The following C12orf56 variants were observed in gnomAD, a reference collection of about 807,000 sequenced individuals.
C12orf56 encodes chromosome 12 open reading frame 56, also known as uncharacterized protein C12orf56.
In C12orf56, 71 loss-of-function variants were observed where a neutral mutation model predicts 69.9. The ratio of observed to expected loss-of-function variants is 1.02; its 90% confidence interval spans 0.84 to 1.24. The LOEUF (loss-of-function observed/expected upper bound fraction) is 1.24, where lower values mean the gene tolerates loss of function less well. Among genes scored for constraint, C12orf56 ranks in the 50% most tolerant of loss-of-function variants. The pLI is 0.00. For missense variants in C12orf56, 732 were observed against 738.5 expected (o/e 0.99, Z 0.10); for synonymous variants, 276 against 274.1 (o/e 1.01, Z -0.07).
chr12:64,335,640 T>C (rs540809061), intron 2 of C12orf56, among the ~76,000 whole-genome samples: 26 of 152,282 alleles, frequency 1.7e-4, no homozygotes, highest in Non-Finnish European at 3.1e-4. Context: ...GAGATCAGCC[T>C]TGGCAATTCA....
At chr12:64,350,084 T>G (rs1385439561) in intron 2 of C12orf56, among the ~76,000 whole-genome samples, 1 of 123,560 alleles carries the variant, frequency 8.1e-6, no homozygotes, top group Admixed American at 9.3e-5. Flanking sequence ...AGAGCAAGAC[T>G]CAGTCTCAGA....
intron 4 of C12orf56, among the ~76,000 whole-genome samples, chr12:64,313,813 G>C (rs1307527399): frequency 6.6e-6 from 1 of 151,712 alleles, no homozygotes; most frequent in Non-Finnish European, 1.5e-5. Flanking sequence ...GGGAGGCCAA[G>C]GTGGGCGGAT....
chr12:64,342,854 G>T (rs977250016), intron 2 of C12orf56, among the ~76,000 whole-genome samples: 9 of 152,166 alleles, frequency 5.9e-5, no homozygotes, highest in African/African-American at 2.2e-4. Context: ...TCACCTATGG[G>T]GGCCTCCCAA....
At chr12:64,378,863 C>T (rs2039675454) in intron 1 of C12orf56, among the ~76,000 whole-genome samples, 1 of 151,994 alleles carries the variant, frequency 6.6e-6, no homozygotes, top group African/African-American at 2.4e-5. Context: ...CCAGTCTGGC[C>T]ACCATAGTGA....
At chr12:64,367,265 TAC>T (rs1221616674) in intron 1 of C12orf56, among the ~76,000 whole-genome samples, 1 of 139,674 alleles carries the variant, frequency 7.2e-6, no homozygotes, top group African/African-American at 2.6e-5. Flanking sequence ...ATATATAATA[TAC>T]AGTTTATATA....
chr12:64,299,297 G>C (rs1048403654), intron 6 of C12orf56, among the ~76,000 whole-genome samples: 1 of 152,116 alleles, frequency 6.6e-6, no homozygotes, highest in Non-Finnish European at 1.5e-5. Context: ...GAGACGGTGA[G>C]GTTTTCTAAA....
chr12:64,358,482 A>AATCATCATC (rs1555193400), intron 1 of C12orf56, among the ~76,000 whole-genome samples: 31 of 125,942 alleles, frequency 2.5e-4, no homozygotes, highest in African/African-American at 9.0e-4. Flanking sequence ...TAATAATAAT[A>AATCATCATC]ATCATCATCA....
chr12:64,338,291 T>C (rs1007492829), intron 2 of C12orf56: 3 of 511,258 alleles, frequency 5.9e-6, no homozygotes, highest in Non-Finnish European at 1.1e-5. Context: ...TATGTTACAA[T>C]CCCCATTATA....
At chr12:64,338,871 G>T in intron 2 of C12orf56, 1 of 675,904 alleles carries the variant, frequency 1.5e-6, no homozygotes, top group East Asian at 2.8e-5. Context: ...ATGGGCAGAG[G>T]AAACCCCTGT....
At chr12:64,289,280 A>G (rs1176979247) in intron 6 of C12orf56, among the ~76,000 whole-genome samples, 1 of 115,760 alleles carries the variant, frequency 8.6e-6, no homozygotes, top group African/African-American at 3.1e-5. Context: ...TAGATATACA[A>G]TCATGTCGTC....
intron 1 of C12orf56, among the ~76,000 whole-genome samples, chr12:64,357,681 G>T (rs565467287): frequency 5.2e-4 from 79 of 152,210 alleles, no homozygotes; most frequent in Middle Eastern, 3.4e-3. Context: ...TGGATCATTT[G>T]AGATCAGGAG....
chr12:64,338,318 G>A, intron 2 of C12orf56: 2 of 543,340 alleles, frequency 3.7e-6, no homozygotes, highest in Admixed American at 2.3e-5. Flanking sequence ...AACTCCACCA[G>A]CTATGTCCTC....
rs889424574 is a variant in C12orf56, at chr12:64,312,056, G to C, written c.968+623C>G. On this transcript the variant is annotated intron_variant, in intron 5 of 12. Coordinates refer to ENST00000543942, the MANE Select transcript of C12orf56 (RefSeq NM_001170633.2). ...TGGAAATGGTGAAGGGGAGAGAGGA[G>C]GCAAGGGTGATTTCTAGGACTCTGG... 2.0e-5 allele frequency among the ~76,000 whole-genome samples: 3 copies of C among 152,148 alleles called. 1 individual carries two copies. The highest frequency in any genetic ancestry group is 2.0e-4 in the Admixed American group (3 of 15,270).
rs142365723 is a variant in C12orf56 at position 64,286,031 on chromosome 12, G to C, written c.1143C>G (p.Asn381Lys). 5 of 1,608,168 alleles carry C rather than the reference G, an allele frequency of 3.1e-6. No homozygotes were observed. ...KTSDLFYFIV[N>K]KLHEYLPESR... ...ACTCCGGCAAGTACTCATGAAGTTT[G>C]TTTACTATGAAATAGAAAAGGTCAC... The change falls in exon 7 of 13, where the codon AAC becomes AAG. Residue 381 changes from asparagine to lysine, a missense_variant. Coordinates refer to ENST00000543942, the MANE Select transcript of C12orf56 (RefSeq NM_001170633.2).
chr12:64,279,169 C>T (rs2038092536), intron 8 of C12orf56, among the ~76,000 whole-genome samples: 1 of 152,184 alleles, frequency 6.6e-6, no homozygotes, highest in African/African-American at 2.4e-5. Context: ...ATCTGCCCAC[C>T]TCAGCCTCTC....
rs1351118560 is a variant in C12orf56 at position 64,265,644 on chromosome 12, C to A, written c.*1539G>T. ...GCTGGTCATTTGGCTCTGTCAGAAC[C>A]TGGAATAAAATGTCCTAGTAATTAT... On this transcript the variant is annotated 3_prime_UTR_variant, in exon 13 of 13. Transcript: ENST00000543942. 6.6e-6 allele frequency: 1 copy of A among 152,206 alleles called. No homozygotes were observed. Among genetic ancestry groups the A allele is most frequent in the Non-Finnish European group, 1.5e-5 (1 of 68,038 alleles). The allele number at this position is 152,206 out of a possible 1,614,324, so 9.4% of individuals were successfully genotyped here.
chr12:64,334,084 T>C (rs2038963915), intron 2 of C12orf56, among the ~76,000 whole-genome samples: 1 of 152,208 alleles, frequency 6.6e-6, no homozygotes, highest in Non-Finnish European at 1.5e-5. Context: ...GCACAATGCA[T>C]ATCTGATGGA....
At chr12:64,344,384 T>G (rs2039113932) in intron 2 of C12orf56, among the ~76,000 whole-genome samples, 1 of 152,230 alleles carries the variant, frequency 6.6e-6, no homozygotes, top group Non-Finnish European at 1.5e-5. Context: ...ACCTAGAAGT[T>G]TTCTGCTTAT....
intron 1 of C12orf56, among the ~76,000 whole-genome samples, chr12:64,382,826 G>A (rs1406757986): frequency 6.7e-5 from 10 of 148,754 alleles, no homozygotes; most frequent in African/African-American, 1.2e-4. Flanking sequence ...AGCCAAGACC[G>A]TGCCACTGCA....
Sources: gnomAD v4.1 joint callset for allele counts (sites outside exome capture counted in the v4.1 genomes callset) on GRCh38, gnomAD v4.1.1 for gene constraint, MANE v1.5 for transcripts, NCBI Gene and HGNC (gene_info 2026-07-23, HGNC 2026-07-21) for gene names.